Variants in METTL8 observed in about 807,000 individuals in gnomAD.
METTL8 encodes methyltransferase 8, tRNA N3-cytidine.
METTL8 carries 32 observed loss-of-function variants against 48.7 expected under a neutral mutation model. That is an observed-to-expected ratio of 0.66 (90% CI 0.50 to 0.88). The LOEUF is 0.88. Among genes scored for constraint, METTL8 ranks in the 40% least tolerant of loss-of-function variants. METTL8 has a pLI of 0.00. For missense variants in METTL8, 464 were observed against 474.4 expected (o/e 0.98, Z 0.20); for synonymous variants, 136 against 157.1 (o/e 0.87, Z 1.01).
At chr2:171,389,992 A>T (rs777939859) in intron 2 of METTL8, among the ~76,000 whole-genome samples, 5 of 152,232 alleles carry the variant, frequency 3.3e-5, no homozygotes, top group African/African-American at 4.8e-5. Context: ...CTGGCTTCAA[A>T]GCTTCAAAGG....
chr2:171,348,644 C>T (rs746255297), intron 3 of METTL8, among the ~76,000 whole-genome samples: 11 of 151,890 alleles, frequency 7.2e-5, no homozygotes, highest in Non-Finnish European at 1.3e-4. Flanking sequence ...AGGGGGAGTA[C>T]TGTAATTGGG....
At chr2:171,409,031 G>A (rs1690473879) in intron 1 of METTL8, among the ~76,000 whole-genome samples, 3 of 152,178 alleles carry the variant, frequency 2.0e-5, no homozygotes, top group Admixed American at 2.0e-4. Flanking sequence ...ACAGCCCTAA[G>A]TAGTCCCAAC....
chr2:171,329,054 C>T (rs1401589808), intron 7 of METTL8, among the ~76,000 whole-genome samples: 1 of 151,784 alleles, frequency 6.6e-6, no homozygotes, highest in Non-Finnish European at 1.5e-5. Flanking sequence ...GGTGCAATCT[C>T]GGCACACTGC....
intron 2 of METTL8, among the ~76,000 whole-genome samples, chr2:171,385,975 G>A (rs935278677): frequency 1.2e-4 from 18 of 152,208 alleles, no homozygotes; most frequent in African/African-American, 4.1e-4. Flanking sequence ...GCCTTTTCAA[G>A]TTAGAAATTC....
intron 3 of METTL8, among the ~76,000 whole-genome samples, chr2:171,357,160 T>C (rs913993817): frequency 2.0e-5 from 3 of 151,988 alleles, no homozygotes; most frequent in Non-Finnish European, 4.4e-5. Context: ...GGTTTCACCA[T>C]GTTGGCCAGG....
chr2:171,387,128 T>TTC (rs1688135046), intron 2 of METTL8, among the ~76,000 whole-genome samples: 1 of 200 alleles, frequency 5.0e-3, no homozygotes, highest in Non-Finnish European at 0.012. Context: ...GATACAGAAA[T>TTC]CTGTCTTTAC....
chr2:171,368,425 T>G (rs1486685658), intron 2 of METTL8, among the ~76,000 whole-genome samples: 1 of 152,160 alleles, frequency 6.6e-6, no homozygotes, highest in African/African-American at 2.4e-5. Context: ...AATGAGCCTA[T>G]CACATTAAGA....
chr2:171,395,598 G>A (rs909121162), intron 1 of METTL8, among the ~76,000 whole-genome samples: 1 of 152,120 alleles, frequency 6.6e-6, no homozygotes, highest in East Asian at 1.9e-4. Context: ...GAGATAAAGA[G>A]GGGCATTTAA....
intron 1 of METTL8, among the ~76,000 whole-genome samples, chr2:171,399,790 G>A (rs948483226): frequency 6.6e-5 from 10 of 151,872 alleles, no homozygotes; most frequent in African/African-American, 2.4e-4. Context: ...TTTTAAAGAA[G>A]GATTTTAATA....
chr2:171,379,800 G>C (rs540372710), intron 2 of METTL8, among the ~76,000 whole-genome samples: 131 of 152,310 alleles, frequency 8.6e-4, no homozygotes, highest in Non-Finnish European at 1.5e-3. Flanking sequence ...TAGATTCACA[G>C]CTAAATTCTA....
chr2:171,424,136 A>G lies in METTL8; in HGVS notation c.-13+9747T>C, dbSNP rs376742462. Among the ~76,000 whole-genome samples, 9 of 152,214 alleles carry G rather than the reference A, an allele frequency of 5.9e-5. No homozygotes were observed. The East Asian group carries it at 1.2e-3, about 20-fold the overall frequency. ...GTTATTGGGCCTGCGGGTGCACAGAAGTCAAGAACTGAGTTTGAGGAACCT... is the reference window on the plus strand; with the variant it reads ...GTTATTGGGCCTGCGGGTGCACAGAGGTCAAGAACTGAGTTTGAGGAACCT... On this transcript the variant is annotated intron_variant, in intron 1 of 9. Transcript: ENST00000375258.
chr2:171,366,698 C>T (rs1301941648), intron 2 of METTL8, among the ~76,000 whole-genome samples: 1 of 151,924 alleles, frequency 6.6e-6, no homozygotes, highest in East Asian at 1.9e-4. Context: ...AAAGGAAATT[C>T]TAGAACAAAC....
intron 3 of METTL8, among the ~76,000 whole-genome samples, chr2:171,353,489 T>G (rs997965037): frequency 7.9e-5 from 12 of 152,244 alleles, no homozygotes; most frequent in African/African-American, 2.9e-4. Flanking sequence ...TAGGTCCACT[T>G]GCTGCAGAGC....
At chr2:171,423,655 T>G (rs1692106807) in intron 1 of METTL8, among the ~76,000 whole-genome samples, 1 of 152,156 alleles carries the variant, frequency 6.6e-6, no homozygotes, top group African/African-American at 2.4e-5. Context: ...TAGAGATCTG[T>G]GGAACTTTGA....
rs528261054 is a variant in METTL8 at position 171,401,016 on chromosome 2, C to T, written c.-12-8819G>A. Among the ~76,000 whole-genome samples, 53 of 152,226 alleles carry T rather than the reference C, an allele frequency of 3.5e-4. 1 individual carries two copies. Among genetic ancestry groups the T allele is most frequent in the Admixed American group, 2.5e-3 (38 of 15,270 alleles). ...GTCCACCATGTAAAAGTTAACTTCC[C>T]TTCAATGTTTCCTGAGTTCTGAGTA... On this transcript the variant is annotated intron_variant, in intron 1 of 9. Coordinates refer to ENST00000375258, the MANE Select transcript of METTL8 (RefSeq NM_001321154.2).
intron 3 of METTL8, among the ~76,000 whole-genome samples, chr2:171,352,922 C>T (rs1684100950): frequency 6.6e-6 from 1 of 152,240 alleles, no homozygotes; most frequent in East Asian, 1.9e-4. Context: ...AAAACCAGCT[C>T]CTGGATTCAT....
In METTL8 at chr2:171,318,755, A is replaced by G. The variant is rs1027713850; in HGVS notation, c.*5417T>C. On this transcript the variant is annotated 3_prime_UTR_variant, in exon 10 of 10. Transcript: ENST00000375258. ...GGTCGTCTGAAACAAACTCCTCTCC[A>G]CTGCTATCGTTTTCTGCTTGACTCA... The G allele has an allele frequency of 6.6e-6, 1 of 151,740 alleles. No homozygotes were observed. The highest frequency in any genetic ancestry group is 2.4e-5 in the African/African-American group (1 of 41,352). 9.4% of individuals were successfully genotyped at this position (151,740 alleles called of 1,614,324 possible).
Position 171,350,176 on chromosome 2 carries a change from T to C in METTL8, c.235+10246A>G, listed in dbSNP as rs150605625. 1.9e-3 allele frequency among the ~76,000 whole-genome samples: 295 copies of C among 152,278 alleles called. 6 individuals carry two copies. The East Asian group carries it at 0.029, about 15-fold the overall frequency. ...CCCATCCTGTGTCCAAGTGTTCCCA[T>C]TGTTCAATTCCCACCTATGAGTGAG... On this transcript the variant is annotated intron_variant, in intron 3 of 9. Coordinates refer to ENST00000375258, the MANE Select transcript of METTL8 (RefSeq NM_001321154.2).
chr2:171,381,656 A>C (rs547808685), intron 2 of METTL8, among the ~76,000 whole-genome samples: 1 of 152,220 alleles, frequency 6.6e-6, no homozygotes, highest in African/African-American at 2.4e-5. Flanking sequence ...AAAGGCTCAT[A>C]ATCACTGATC....
Sources: gnomAD v4.1 joint callset for allele counts (sites outside exome capture counted in the v4.1 genomes callset) on GRCh38, gnomAD v4.1.1 for gene constraint, MANE v1.5 for transcripts, NCBI Gene and HGNC (gene_info 2026-07-23, HGNC 2026-07-21) for gene names.